ROBO2: variants seen among roughly 807,000 people sequenced by gnomAD.
ROBO2 encodes the protein roundabout homolog 2.
In ROBO2, 53 loss-of-function variants were observed where a neutral mutation model predicts 160.8. The observed-to-expected ratio is 0.33, with a 90% CI of 0.26 to 0.41. The LOEUF (loss-of-function observed/expected upper bound fraction) is 0.41. ROBO2 is among the 10% of genes least tolerant of loss of function. The probability of loss-of-function intolerance (pLI) is 1.00; values close to 1 mark genes in which losing one functional copy is unlikely to be tolerated. For missense variants in ROBO2, 1,577 were observed against 1,722.4 expected (o/e 0.92, Z 1.49); for synonymous variants, 664 against 611.7 (o/e 1.09, Z -1.26).
exon 26 of ROBO2, chr3:77,649,794 T>A (rs2095436631): frequency 6.6e-6 from 1 of 152,210 alleles, no homozygotes; most frequent in Non-Finnish European, 1.5e-5. Flanking sequence ...AGATGGATTT[T>A]TTTTAACTGT....
At chr3:76,336,509 A>G (rs2073899748) in intron 2 of ROBO2, among the ~76,000 whole-genome samples, 1 of 152,222 alleles carries the variant, frequency 6.6e-6, no homozygotes, top group Non-Finnish European at 1.5e-5. Flanking sequence ...GGAAACCACT[A>G]AATTTGAGGC....
chr3:76,010,204 T>A (rs2066154261), intron 2 of ROBO2, among the ~76,000 whole-genome samples: 1 of 152,206 alleles, frequency 6.6e-6, no homozygotes, highest in African/African-American at 2.4e-5. Context: ...AACAGGAAGA[T>A]AATGGAAGGG....
chr3:76,959,915 T>C (rs2079529183), intron 2 of ROBO2, among the ~76,000 whole-genome samples: 1 of 152,122 alleles, frequency 6.6e-6, no homozygotes, highest in South Asian at 2.1e-4. Context: ...TTCTGGTGCC[T>C]AAATTTCACT....
chr3:77,044,125 T>TA (rs909167476), intron 1 of ROBO2, among the ~76,000 whole-genome samples: 43 of 144,350 alleles, frequency 3.0e-4, no homozygotes, highest in East Asian at 4.0e-4. Flanking sequence ...ATGTGGACCA[T>TA]AAAAAAAAAG....
chr3:77,633,465 C>T (rs1194660161), intron 23 of ROBO2: 2 of 152,094 alleles, frequency 1.3e-5, no homozygotes, highest in Admixed American at 1.3e-4. Flanking sequence ...ATGTATAATT[C>T]TTAACTATAC....
intron 16 of ROBO2, among the ~76,000 whole-genome samples, chr3:77,580,326 A>G (rs2093882757): frequency 6.6e-6 from 1 of 152,202 alleles, no homozygotes; most frequent in Non-Finnish European, 1.5e-5. Flanking sequence ...GAGCCTTATT[A>G]AAATTGCAAT....
At chr3:77,391,310 T>C (rs1315726279) in intron 2 of ROBO2, among the ~76,000 whole-genome samples, 3 of 152,046 alleles carry the variant, frequency 2.0e-5, no homozygotes, top group Non-Finnish European at 4.4e-5. Context: ...AAAAGCTTTT[T>C]TAAGAAATTT....
At chr3:77,395,281 A>G (rs9883718) in intron 2 of ROBO2, among the ~76,000 whole-genome samples, 45,707 of 152,126 alleles carry the variant, frequency 0.3, 7,432 homozygotes, top group East Asian at 0.53. Context: ...TAGGATAACA[A>G]AAATAATGTT....
intron 2 of ROBO2, among the ~76,000 whole-genome samples, chr3:77,214,316 C>A (rs1289630822): frequency 1.3e-5 from 2 of 152,144 alleles, no homozygotes; most frequent in Non-Finnish European, 2.9e-5. Flanking sequence ...TTGAATTGAT[C>A]CCTTTCCCAT....
intron 2 of ROBO2, among the ~76,000 whole-genome samples, chr3:76,719,893 A>C (rs1576220166): frequency 6.6e-6 from 1 of 152,142 alleles, no homozygotes; most frequent in South Asian, 2.1e-4. Flanking sequence ...CAAAAAAAAA[A>C]AAAAAAGCAT....
At position 76,701,792 on chromosome 3, in the gene ROBO2, A is replaced by G. The variant is rs76099188; in HGVS notation, c.110-396222A>G. Among the ~76,000 whole-genome samples the G allele has an allele frequency of 4.0e-5, 6 of 151,778 alleles. No homozygotes were observed. The East Asian group carries it at 1.2e-3, about 29-fold the overall frequency. On this transcript the variant is annotated intron_variant, in intron 2 of 26. Transcript: ENST00000487694. Reference sequence around the variant, plus strand: ...CATTTTCTTTATAATTTTGGTTTAGATTTTATTTGAGGTATACCACCAATA... The same window carrying G: ...CATTTTCTTTATAATTTTGGTTTAGGTTTTATTTGAGGTATACCACCAATA...
intron 2 of ROBO2, among the ~76,000 whole-genome samples, chr3:76,578,197 C>A (rs562880032): frequency 6.6e-6 from 1 of 152,250 alleles, no homozygotes; most frequent in South Asian, 2.1e-4. Flanking sequence ...TTAAATAAAT[C>A]TTCATGGGTG....
intron 2 of ROBO2, among the ~76,000 whole-genome samples, chr3:77,240,117 T>C (rs2088771457): frequency 6.6e-6 from 1 of 152,088 alleles, no homozygotes; most frequent in African/African-American, 2.4e-5. Flanking sequence ...GGGAGGTCGA[T>C]GGGACTGGGG....
chr3:76,270,059 T>C (rs1707338194), intron 2 of ROBO2, among the ~76,000 whole-genome samples: 1 of 152,046 alleles, frequency 6.6e-6, no homozygotes, highest in Non-Finnish European at 1.5e-5. Flanking sequence ...GTGGTTAAAA[T>C]TGGAATTGAC....
At chr3:76,603,851 T>C (rs147937259) in intron 2 of ROBO2, among the ~76,000 whole-genome samples, 1 of 152,094 alleles carries the variant, frequency 6.6e-6, no homozygotes, top group Non-Finnish European at 1.5e-5. Flanking sequence ...TGAATTTGCT[T>C]GATAGTTTCC....
intron 2 of ROBO2, among the ~76,000 whole-genome samples, chr3:76,062,192 A>G (rs184361114): frequency 5.2e-4 from 79 of 152,280 alleles, no homozygotes; most frequent in Non-Finnish European, 1.1e-3. Flanking sequence ...ACAAAAATGG[A>G]GCCGACTTTT....
At chr3:76,647,320 A>G (rs2091020876) in intron 2 of ROBO2, among the ~76,000 whole-genome samples, 1 of 152,166 alleles carries the variant, frequency 6.6e-6, no homozygotes, top group Non-Finnish European at 1.5e-5. Flanking sequence ...AGAATTGTAC[A>G]GACAAAGCCC....
At chr3:76,288,605 C>T (rs1708647261) in intron 2 of ROBO2, among the ~76,000 whole-genome samples, 1 of 151,898 alleles carries the variant, frequency 6.6e-6, no homozygotes, top group South Asian at 2.1e-4. Flanking sequence ...GTAATGAGCA[C>T]AGCACCTGAG....
At chr3:76,146,327 T>C (rs1426001499) in intron 2 of ROBO2, among the ~76,000 whole-genome samples, 4 of 152,046 alleles carry the variant, frequency 2.6e-5, no homozygotes, top group African/African-American at 4.8e-5. Context: ...TTTTATTTAA[T>C]TGTTTCTCCT....
Sources: allele counts gnomAD v4.1 joint callset (sites outside exome capture counted in the v4.1 genomes callset), GRCh38; gene constraint gnomAD v4.1.1; transcripts MANE v1.5; gene names NCBI Gene and HGNC (gene_info 2026-07-23, HGNC 2026-07-21).